Variants in HEMK2 observed in about 807,000 individuals in gnomAD.
HEMK2 encodes methyltransferase HEMK2.
At chr21:28,729,633 CAAAA>C in the HEMK2 span, among the ~76,000 whole-genome samples, 1 of 119,022 alleles carries the variant, frequency 8.4e-6, no homozygotes. Flanking sequence ...TGCTGATAAG[CAAAA>C]AAAAAAAAAA....
At chr21:28,686,296 G>A in the HEMK2 span, among the ~76,000 whole-genome samples, 20 of 152,126 alleles carry the variant, frequency 1.3e-4, no homozygotes, top group East Asian at 3.9e-4. Flanking sequence ...GTGCAATGGC[G>A]CAATCTCAGC....
the HEMK2 span, among the ~76,000 whole-genome samples, chr21:28,575,814 A>C: frequency 6.6e-5 from 10 of 152,106 alleles, no homozygotes; most frequent in East Asian, 1.5e-3. Flanking sequence ...CTCTGTTTTT[A>C]TTTCTGTAAT....
At chr21:28,697,049 G>A in the HEMK2 span, among the ~76,000 whole-genome samples, 2 of 152,142 alleles carry the variant, frequency 1.3e-5, no homozygotes, top group African/African-American at 4.8e-5. Context: ...GTAAGGTGAA[G>A]AGCTGCTATG....
the HEMK2 span, among the ~76,000 whole-genome samples, chr21:28,840,877 T>C: frequency 1.3e-5 from 2 of 148,720 alleles, no homozygotes; most frequent in African/African-American, 2.5e-5. Context: ...GAAGTCATTA[T>C]TCAAAAAAGA....
chr21:28,674,803 GC>G, the HEMK2 span: 85,341 of 151,948 alleles, frequency 0.56, 26,884 homozygotes, highest in East Asian at 0.84. Context: ...TATAGTGGAG[GC>G]CCTGTTTCTC....
the HEMK2 span, among the ~76,000 whole-genome samples, chr21:28,690,082 AGTTT>A: frequency 1.3e-5 from 2 of 152,258 alleles, no homozygotes; most frequent in Non-Finnish European, 2.9e-5. Flanking sequence ...CAGGCAAGAG[AGTTT>A]GTGTAGGGGA....
chr21:28,739,274 C>T, the HEMK2 span, among the ~76,000 whole-genome samples: 82,504 of 151,952 alleles, frequency 0.54, 25,206 homozygotes, highest in African/African-American at 0.82. Flanking sequence ...TCTCTTTTTT[C>T]GTTTTTCCCA....
chr21:28,863,192 T>C, the HEMK2 span, among the ~76,000 whole-genome samples: 2 of 151,868 alleles, frequency 1.3e-5, no homozygotes, highest in African/African-American at 4.8e-5. Context: ...GCTGCCAGCA[T>C]GGCTAGAATA....
At chr21:28,830,416 T>C in the HEMK2 span, among the ~76,000 whole-genome samples, 12 of 152,322 alleles carry the variant, frequency 7.9e-5, no homozygotes, top group East Asian at 2.3e-3. Context: ...CCTTCTGCCA[T>C]GACGGTAAGT....
chr21:28,595,843 G>A, the HEMK2 span, among the ~76,000 whole-genome samples: 1 of 151,872 alleles, frequency 6.6e-6, no homozygotes, highest in Non-Finnish European at 1.5e-5. Context: ...GGAGTGCAGT[G>A]GCGCGATCTT....
the HEMK2 span, among the ~76,000 whole-genome samples, chr21:28,597,536 G>A: frequency 6.6e-6 from 1 of 152,190 alleles, no homozygotes; most frequent in Admixed American, 6.5e-5. Flanking sequence ...GCAGACACTG[G>A]ACCCAGTTAG....
chr21:28,773,947 CA>C, the HEMK2 span, among the ~76,000 whole-genome samples: 1 of 152,058 alleles, frequency 6.6e-6, no homozygotes, highest in African/African-American at 2.4e-5. Context: ...TTTATTTTCA[CA>C]AAGGAGGAAA....
At chr21:28,875,655 G>C in the HEMK2 span, 1 of 152,182 alleles carries the variant, frequency 6.6e-6, no homozygotes, top group Non-Finnish European at 1.5e-5. Context: ...AATGAAATTG[G>C]AAAATGTTGC....
the HEMK2 span, among the ~76,000 whole-genome samples, chr21:28,787,040 G>T: frequency 1.3e-5 from 2 of 152,150 alleles, no homozygotes; most frequent in Admixed American, 6.5e-5. Context: ...ACAGAAGAGA[G>T]AACCCAGAAA....
chr21:28,664,040 G>A, the HEMK2 span, among the ~76,000 whole-genome samples: 2 of 152,100 alleles, frequency 1.3e-5, no homozygotes, highest in African/African-American at 4.8e-5. Flanking sequence ...CTTTTTTACA[G>A]CTCTATTACA....
chr21:28,732,339 C>A, the HEMK2 span, among the ~76,000 whole-genome samples: 1 of 152,218 alleles, frequency 6.6e-6, no homozygotes, highest in Non-Finnish European at 1.5e-5. Flanking sequence ...CCACTGTGTG[C>A]CAGGCACTGT....
At chr21:28,761,242 A>G in the HEMK2 span, among the ~76,000 whole-genome samples, 1 of 152,134 alleles carries the variant, frequency 6.6e-6, no homozygotes, top group Non-Finnish European at 1.5e-5. Context: ...CATATTTGCA[A>G]CTTACTTTTT....
At chr21:28,658,912 T>G in the HEMK2 span, among the ~76,000 whole-genome samples, 404 of 152,230 alleles carry the variant, frequency 2.7e-3, 1 homozygote, top group African/African-American at 9.0e-3. Flanking sequence ...GATTCTGCCC[T>G]CCAATATATT....
chr21:28,658,873 G>T, the HEMK2 span, among the ~76,000 whole-genome samples: 1 of 151,942 alleles, frequency 6.6e-6, no homozygotes, highest in Non-Finnish European at 1.5e-5. Flanking sequence ...TGTTAAACCT[G>T]GTCACTTATT....
Sources: gnomAD v4.1 joint callset for allele counts (sites outside exome capture counted in the v4.1 genomes callset) on GRCh38, gnomAD v4.1.1 for gene constraint, MANE v1.5 for transcripts, NCBI Gene and HGNC (gene_info 2026-07-23, HGNC 2026-07-21) for gene names.